The following TRIO variants were observed in gnomAD, a reference collection of about 807,000 sequenced individuals.
The protein encoded by TRIO is triple functional domain protein.
A neutral mutation model predicts 351.9 loss-of-function variants in TRIO; 58 were observed. The ratio of observed to expected loss-of-function variants is 0.16; its 90% CI spans 0.13 to 0.21. The LOEUF is 0.21. Among genes scored for constraint, TRIO ranks in the 10% least tolerant of loss-of-function variants. The pLI, the probability that TRIO is intolerant of heterozygous loss-of-function variation, is 1.00. For synonymous variants in TRIO, 1,758 were observed against 1,595.7 expected (o/e 1.10, Z -2.42); for missense variants, 3,201 against 4,027.8 (o/e 0.79, Z 5.56).
At chr5:14,462,662 G>T in intron 35 of TRIO, 93 bp from the exon 36 acceptor site, 1 of 1,528,094 alleles carries the variant, frequency 6.5e-7, no homozygotes. Context: ...TGCCATCCCA[G>T]TCTCTGTCCC....
chr5:14,228,569 T>C (rs1793193627), intron 1 of TRIO, among the ~76,000 whole-genome samples: 1 of 152,174 alleles, frequency 6.6e-6, no homozygotes, highest in South Asian at 2.1e-4. Context: ...ACTTTTAGAG[T>C]AGCAGATTCC....
At chr5:14,482,901 T>A in intron 46 of TRIO, 128 bp downstream of exon 46, 1 of 961,564 alleles carries the variant, frequency 1.0e-6, no homozygotes, top group Non-Finnish European at 1.4e-6. Flanking sequence ...CTAGTATATT[T>A]CAGAGCCTTG....
intron 19 of TRIO, among the ~76,000 whole-genome samples, chr5:14,375,190 C>T (rs968852621): frequency 6.6e-6 from 1 of 152,192 alleles, no homozygotes; most frequent in Non-Finnish European, 1.5e-5. Context: ...TATTGATGGG[C>T]TTTTTCTTCT....
intron 34 of TRIO, among the ~76,000 whole-genome samples, chr5:14,421,227 A>ATTTTTTTATTTTATTTTAT (rs1276372956): frequency 8.5e-6 from 1 of 118,084 alleles, no homozygotes; most frequent in African/African-American, 3.4e-5. Flanking sequence ...TTATTTATTT[A>ATTTTTTTATTTTATTTTAT]TTTATTTTAT....
chr5:14,472,767 A>G, intron 39 of TRIO, 109 bp downstream of exon 39: 7 of 1,226,006 alleles, frequency 5.7e-6, no homozygotes, highest in Non-Finnish European at 7.9e-6. Context: ...AACATTTTTG[A>G]CCCAAAATAA....
At chr5:14,270,413 G>C (rs1795913656) in intron 1 of TRIO, among the ~76,000 whole-genome samples, 1 of 152,152 alleles carries the variant, frequency 6.6e-6, no homozygotes, top group Non-Finnish European at 1.5e-5. Context: ...TCCCCCTAGA[G>C]GTTTTAGGAT....
intron 1 of TRIO, among the ~76,000 whole-genome samples, chr5:14,232,239 G>T (rs932325804): frequency 6.6e-6 from 1 of 152,282 alleles, no homozygotes; most frequent in South Asian, 2.1e-4. Flanking sequence ...TCCCGGTTCC[G>T]TGAGTGAGGC....
intron 7 of TRIO, among the ~76,000 whole-genome samples, chr5:14,299,260 A>G (rs1044685430): frequency 6.6e-6 from 1 of 152,214 alleles, no homozygotes; most frequent in African/African-American, 2.4e-5. Context: ...TTTGAAGGAA[A>G]TGAAACTAGG....
chr5:14,346,601 T>C, intron 11 of TRIO, among the ~76,000 whole-genome samples: 1 of 152,218 alleles, frequency 6.6e-6, no homozygotes, highest in Non-Finnish European at 1.5e-5. Context: ...CTAGAGACAA[T>C]TTTTAAACCG....
intron 1 of TRIO, among the ~76,000 whole-genome samples, chr5:14,253,475 C>A (rs1028472318): frequency 6.6e-6 from 1 of 152,156 alleles, no homozygotes; most frequent in African/African-American, 2.4e-5. Flanking sequence ...CCTGCCTCAG[C>A]CTGAGTAGCT....
At chr5:14,493,561 C>T (rs1210939099) in intron 49 of TRIO, among the ~76,000 whole-genome samples, 1 of 152,172 alleles carries the variant, frequency 6.6e-6, no homozygotes, top group Non-Finnish European at 1.5e-5. Flanking sequence ...TCTAACTGCT[C>T]CACCAACTGT....
At chr5:14,489,482 G>A (rs1023677961) in intron 48 of TRIO, among the ~76,000 whole-genome samples, 1 of 152,188 alleles carries the variant, frequency 6.6e-6, no homozygotes, top group Non-Finnish European at 1.5e-5. Flanking sequence ...GTGGTGGGGA[G>A]ATGCAGTCAA....
chr5:14,402,212 T>A (rs1422155299), intron 31 of TRIO, among the ~76,000 whole-genome samples: 1 of 152,244 alleles, frequency 6.6e-6, no homozygotes, highest in Non-Finnish European at 1.5e-5. Context: ...TTGCAACTTA[T>A]ATAAACCGCT....
intron 20 of TRIO, among the ~76,000 whole-genome samples, chr5:14,379,303 G>A (rs1745856677): frequency 6.6e-6 from 1 of 152,228 alleles, no homozygotes; most frequent in Non-Finnish European, 1.5e-5. Flanking sequence ...TTGGATACAT[G>A]CTTTTTAGCT....
intron 1 of TRIO, among the ~76,000 whole-genome samples, chr5:14,188,063 T>C (rs1007179401): frequency 2.6e-5 from 4 of 152,250 alleles, no homozygotes; most frequent in Non-Finnish European, 4.4e-5. Flanking sequence ...GCTGTAACTT[T>C]TGAATAGTGA....
At chr5:14,151,729 C>T (rs552688831) in intron 1 of TRIO, among the ~76,000 whole-genome samples, 1 of 152,304 alleles carries the variant, frequency 6.6e-6, no homozygotes, top group South Asian at 2.1e-4. Flanking sequence ...TGCATTGACC[C>T]ATCCACTTTT....
At chr5:14,165,787 A>G (rs1018452692) in intron 1 of TRIO, among the ~76,000 whole-genome samples, 3 of 152,124 alleles carry the variant, frequency 2.0e-5, no homozygotes, top group African/African-American at 7.2e-5. Context: ...GCCCTCCTGC[A>G]CAGTGAACTC....
intron 34 of TRIO, among the ~76,000 whole-genome samples, chr5:14,445,106 A>G (rs1370072557): frequency 6.6e-6 from 1 of 152,166 alleles, no homozygotes; most frequent in Non-Finnish European, 1.5e-5. Flanking sequence ...AATTTCCTCC[A>G]GGTGCTCAAA....
At chr5:14,501,863 T>C (rs1757318862) in intron 53 of TRIO, among the ~76,000 whole-genome samples, 1 of 152,178 alleles carries the variant, frequency 6.6e-6, no homozygotes, top group South Asian at 2.1e-4. Flanking sequence ...AGAATCACAG[T>C]GGCAGCTGTG....
Sources: gnomAD v4.1 joint callset for allele counts (sites outside exome capture counted in the v4.1 genomes callset) on GRCh38, gnomAD v4.1.1 for gene constraint, MANE v1.5 for transcripts, NCBI Gene and HGNC (gene_info 2026-07-23, HGNC 2026-07-21) for gene names.